The following MYBPC3 variants were observed in gnomAD, a reference collection of about 807,000 sequenced individuals.
The protein encoded by MYBPC3 is myosin-binding protein C, cardiac-type.
A neutral mutation model predicts 159.3 loss-of-function variants in MYBPC3; 108 were observed. The ratio of observed to expected loss-of-function variants is 0.68; its 90% CI spans 0.58 to 0.80. The LOEUF (loss-of-function observed/expected upper bound fraction) is 0.80. Among genes scored for constraint, MYBPC3 ranks in the 30% least tolerant of loss-of-function variants. MYBPC3 has a pLI of 0.00. For missense variants in MYBPC3, 1,631 were observed against 1,762.1 expected, an observed-to-expected ratio of 0.93 and a Z score of 1.33; for synonymous variants, 730 against 702.0, an observed-to-expected ratio of 1.04 and a Z score of -0.63.
Position 47,348,565 on chromosome 11 carries a change from G to A in MYBPC3, c.655-24C>T, listed in dbSNP as rs190277019. The A allele has an allele frequency of 1.9e-4, 294 of 1,574,238 alleles. No individual in the cohort carries two copies. Among genetic ancestry groups the A allele is most frequent in the Middle Eastern group, 1.2e-3 (7 of 5,978 alleles). ...ACCTGTGTGCATGGAGGGACGGGGC[G>A]TCAGGGGACACCAGGGGCCGGGAGA... On this transcript the variant is annotated intron_variant, in intron 5 of 34. Coordinates refer to ENST00000545968, the MANE Select transcript of MYBPC3 (RefSeq NM_000256.3).
Position 47,346,771 on chromosome 11 carries a change from T to C in MYBPC3, c.909-127A>G, listed in dbSNP as rs1337999254. The C allele has an allele frequency of 9.5e-7, 1 of 1,052,434 alleles. No homozygotes were observed. The highest frequency in any genetic ancestry group is 1.4e-6 in the Non-Finnish European group (1 of 724,630). The allele number at this position is 1,052,434 out of a possible 1,614,324, so 65.2% of individuals were successfully genotyped here. Reference sequence around the variant, plus strand: ...CCCTATTTTCCGCACTTGCACTCCCTGTGTTGTGGGGCACCCATGCTGCTC... The same window carrying C: ...CCCTATTTTCCGCACTTGCACTCCCCGTGTTGTGGGGCACCCATGCTGCTC... On this transcript the variant is annotated intron_variant, in intron 10 of 34. Transcript: ENST00000545968. The surrounding 1 kb of genome is among the most constrained non-coding windows in gnomAD (Gnocchi z 5.3).
rs36211722 is a variant in MYBPC3 at position 47,338,684 on chromosome 11, G to A, written c.2149-5C>T. The A allele has an allele frequency of 5.7e-4, 913 of 1,607,440 alleles. 12 individuals carry two copies. The South Asian group carries it at 7.1e-3, about 12-fold the overall frequency. ...GCCCTCGGTCTCACACAGCAGCTGG[G>A]GGGGTGCAGAGTTGGGGTGAGATCC... On this transcript the variant is annotated splice_region_variant and splice_polypyrimidine_tract_variant and intron_variant, in intron 22 of 34. Transcript: ENST00000545968. This position sits in a 1 kb window ranked among gnomAD's most constrained non-coding sequence, Gnocchi z 4.7.
At chr11:47,333,058 C>T in intron 30 of MYBPC3, 85 bp from the exon 31 acceptor site, 1 of 1,533,744 alleles carries the variant, frequency 6.5e-7, no homozygotes, top group Admixed American at 2.0e-5. Flanking sequence ...TTGGCATCTC[C>T]ACCCCTACTA....
rs1290380880 is a variant in MYBPC3 at position 47,331,521 on chromosome 11, C to G, written c.*222G>C. ...TCTTGAGGCCACCCTCCTTTTACCC[C>G]AAAGATCCAGGGGCTTCCTTCAGGA... On this transcript the variant is annotated 3_prime_UTR_variant, in exon 35 of 35. Transcript: ENST00000545968. 4 of 262,672 alleles carry G rather than the reference C, an allele frequency of 1.5e-5. No individual in the cohort carries two copies. Among genetic ancestry groups the G allele is most frequent in the Non-Finnish European group, 2.9e-5 (4 of 138,730 alleles). The allele number at this position is 262,672 out of a possible 1,614,324, so 16.3% of individuals were successfully genotyped here.
chr11:47,335,546 C>A, intron 26 of MYBPC3: 2 of 285,392 alleles, frequency 7.0e-6, no homozygotes, highest in Non-Finnish European at 6.5e-6. Flanking sequence ...AGACTGGTCT[C>A]GAACTCCCGA....
In MYBPC3 at chr11:47,337,399, A is replaced by T; in HGVS notation, c.2594T>A (p.Met865Lys). 5 of 1,591,842 alleles carry T rather than the reference A, an allele frequency of 3.1e-6. No individual in the cohort carries two copies. The South Asian group carries it at 5.6e-5, about 18-fold the overall frequency. ...SRPSPASQPFMPIGPPSEPTH... is the reference protein window; with the variant it reads ...SRPSPASQPFKPIGPPSEPTH... ...AGGCCAGGCAGGCTCACCGATAGGCATGAAGGGCTGGGAGGCAGGGCTGGG... is the reference window on the plus strand; with the variant it reads ...AGGCCAGGCAGGCTCACCGATAGGCTTGAAGGGCTGGGAGGCAGGGCTGGG... Residue 865 changes from methionine (M) to lysine (K), a missense_variant, in exon 25 of 35, where the codon ATG (methionine) becomes AAG (lysine). Transcript: ENST00000545968.
Position 47,349,926 on chromosome 11 carries a change from C to T in MYBPC3, c.506-4G>A. On this transcript the variant is annotated splice_polypyrimidine_tract_variant and splice_region_variant and intron_variant, in intron 4 of 34. Coordinates refer to ENST00000545968, the MANE Select transcript of MYBPC3 (RefSeq NM_000256.3). ...GCTGAGAAGGTGATGCTGCCACCTG[C>T]AAAGGCAGGGGCGACAGGCCCGGCT... is the stretch of plus-strand genomic sequence containing the variant. The T allele has an allele frequency of 6.5e-7, 1 of 1,538,202 alleles. No individual in the cohort carries two copies. Among genetic ancestry groups the T allele is most frequent in the South Asian group, 1.2e-5 (1 of 86,030 alleles).
chr11:47,336,140 T>G, intron 25 of MYBPC3, 129 bp from the exon 26 acceptor site: 1 of 937,616 alleles, frequency 1.1e-6, no homozygotes, highest in Non-Finnish European at 1.4e-6. Context: ...TTGGCCACTT[T>G]AAGGAATATT....
At position 47,346,341 on chromosome 11, in the gene MYBPC3, T is replaced by G. The variant is rs545675333; in HGVS notation, c.956A>C (p.Glu319Ala). Residue 319 changes from glutamate (E) to alanine (A), a missense_variant, in exon 12 of 35, where the codon GAG becomes GCG. By Grantham distance (107) the Glu-to-Ala change is moderately radical (BLOSUM62 -1). Coordinates refer to ENST00000545968, the MANE Select transcript of MYBPC3 (RefSeq NM_000256.3). The surrounding 1 kb of genome is among the most constrained non-coding windows in gnomAD (Gnocchi z 5.3). ...RDSKLEAPAE[E>A]DVWEILRQAP... is the part of the protein sequence containing the mutation. ...CTGCCGTAGGATCTCCCACACGTCC[T>G]CCTCTGCTGGTGCCTCCAGCTTCGA... 51 of 1,605,862 alleles carry G rather than the reference T, an allele frequency of 3.2e-5. No homozygotes were observed. The South Asian group carries it at 4.1e-4, about 13-fold the overall frequency.
At position 47,337,386 on chromosome 11, in the gene MYBPC3, C is replaced by T; in HGVS notation, c.2602+5G>A. On this transcript the variant is annotated splice_donor_5th_base_variant and intron_variant, in intron 25 of 34. Coordinates refer to ENST00000545968, the MANE Select transcript of MYBPC3 (RefSeq NM_000256.3). The stretch of plus-strand genomic sequence containing the variant: ...GGGGGGCAGGACCAGGCCAGGCAGG[C>T]TCACCGATAGGCATGAAGGGCTGGG... 6.3e-7 allele frequency: 1 copy of T among 1,574,946 alleles called. No homozygotes were observed. Among genetic ancestry groups the T allele is most frequent in the Non-Finnish European group, 8.6e-7 (1 of 1,159,314 alleles).
At chr11:47,342,523 G>C in intron 17 of MYBPC3, 55 bp downstream of exon 17, 1 of 1,470,264 alleles carries the variant, frequency 6.8e-7, no homozygotes, top group Non-Finnish European at 9.0e-7. Context: ...TAGGTGGGGT[G>C]GGGGCTGAGG....
At position 47,347,838 on chromosome 11, in the gene MYBPC3, C is replaced by T; in HGVS notation, c.821+19G>A. On this transcript the variant is annotated intron_variant, in intron 7 of 34. Transcript: ENST00000545968. ...ACTCCAGCACTGGCCTCCCCCAGGC[C>T]CTGAGGATGGCCACTCACGTGCGGC... The T allele has an allele frequency of 6.4e-7, 1 of 1,559,908 alleles. No individual in the cohort carries two copies. The highest frequency in any genetic ancestry group is 1.2e-5 in the South Asian group (1 of 84,458).
At position 47,351,287 on chromosome 11, in the gene MYBPC3, T is replaced by C. The variant is rs1470947124; in HGVS notation, c.244A>G (p.Ile82Val). Residue 82 changes from isoleucine to valine, a missense_variant, in exon 2 of 35, where the codon ATT (isoleucine) becomes GTT (valine). Physicochemically the swap from Ile to Val is conservative, Grantham distance 29. Transcript: ENST00000545968. The surrounding 1 kb of genome is among the most constrained non-coding windows in gnomAD (Gnocchi z 4.2). ...GPADQGSYAVIAGSSKVKFDL... is the reference protein window; with the variant it reads ...GPADQGSYAVVAGSSKVKFDL... The stretch of plus-strand genomic sequence containing the variant: ...AACTTGACCTTGGAGGAGCCAGCAA[T>C]GACTGCGTAAGATCCCTGGTCGGCA... 2.0e-6 allele frequency: 3 copies of C among 1,519,336 alleles called. No individual in the cohort carries two copies. Among genetic ancestry groups the C allele is most frequent in the Admixed American group, 3.9e-5 (2 of 51,830 alleles). 94.1% of individuals were successfully genotyped at this position (1,519,336 alleles called of 1,614,324 possible). A position where few individuals can be genotyped will look rare whatever the true frequency, so the allele number is the denominator to read the frequency against.
chr11:47,347,528 A>G, intron 8 of MYBPC3, 49 bp from the exon 9 acceptor site: 1 of 1,576,582 alleles, frequency 6.3e-7, no homozygotes, highest in South Asian at 1.2e-5. Flanking sequence ...CTGGAAAGGG[A>G]TTAGGAGCAG....
intron 6 of MYBPC3, among the ~76,000 whole-genome samples, chr11:47,348,192 A>G (rs1159319174): frequency 6.6e-5 from 10 of 152,168 alleles, no homozygotes; most frequent in Non-Finnish European, 1.5e-4. Context: ...CGTGACACCA[A>G]GATGATAAAA....
chr11:47,350,081 G>C lies in MYBPC3; in HGVS notation c.438C>G (p.Thr146=). The C allele has an allele frequency of 1.3e-6, 2 of 1,560,568 alleles. No homozygotes were observed. Among genetic ancestry groups the C allele is most frequent in the Non-Finnish European group, 1.7e-6 (2 of 1,152,040 alleles). The change falls in exon 4 of 35, where the codon ACC becomes ACG. Residue 146 remains threonine (T), a synonymous_variant. Transcript: ENST00000545968. ...GSSSAALNGP[T]PGAPDDPIGL... The stretch of plus-strand genomic sequence containing the variant: ...CAATGGGGTCATCGGGGGCTCCAGG[G>C]GTAGGACCATTGAGAGCTGCTGAGC...
Position 47,351,186 on chromosome 11 carries a change from G to GGGGGC in MYBPC3, c.292+52_292+53insGCCCC. On this transcript the variant is annotated intron_variant, in intron 2 of 34. Coordinates refer to ENST00000545968, the MANE Select transcript of MYBPC3 (RefSeq NM_000256.3). This position sits in a 1 kb window ranked among gnomAD's most constrained non-coding sequence, Gnocchi z 4.2. ...CCCTGGATGGATGGAGAGTCGCTGG[G>GGGGGC]CTGCCCCTCCCCCAGCAGCCCAAAC... The GGGGGC allele has an allele frequency of 2.1e-6, 3 of 1,446,518 alleles. No individual in the cohort carries two copies. Among genetic ancestry groups the GGGGGC allele is most frequent in the East Asian group, 2.6e-5 (1 of 38,870 alleles). 89.6% of individuals were successfully genotyped at this position (1,446,518 alleles called of 1,614,324 possible). A position where few individuals can be genotyped will look rare whatever the true frequency, so the allele number is the denominator to read the frequency against.
Position 47,338,786 on chromosome 11 carries a change from G to C in MYBPC3, c.2149-107C>G. 1 of 1,302,910 alleles carries C rather than the reference G, an allele frequency of 7.7e-7. No homozygotes were observed. Among genetic ancestry groups the C allele is most frequent in the Non-Finnish European group, 1.0e-6 (1 of 969,628 alleles). The allele number at this position is 1,302,910 out of a possible 1,614,324, so 80.7% of individuals were successfully genotyped here. On this transcript the variant is annotated intron_variant, in intron 22 of 34. Transcript: ENST00000545968. This position sits in a 1 kb window ranked among gnomAD's most constrained non-coding sequence, Gnocchi z 4.7. Reference sequence around the variant, plus strand: ...GGGGTCCATGGGGGGAACACAGCCTGTGGGAAGACTGCATCCACGTCAGCA... The same window carrying C: ...GGGGTCCATGGGGGGAACACAGCCTCTGGGAAGACTGCATCCACGTCAGCA...
intron 34 of MYBPC3, 36 bp from the exon 35 acceptor site, chr11:47,331,752 C>T: frequency 2.3e-6 from 3 of 1,282,512 alleles, no homozygotes; most frequent in Non-Finnish European, 1.1e-6. Context: ...GAATGGAGGG[C>T]CCCTACAGCC....
Sources: allele counts gnomAD v4.1 joint callset (sites outside exome capture counted in the v4.1 genomes callset), GRCh38; gene constraint gnomAD v4.1.1; non-coding constraint Gnocchi (gnomAD v3.1); transcripts MANE v1.5; gene names NCBI Gene and HGNC (gene_info 2026-07-23, HGNC 2026-07-21).